MED13: variants seen among roughly 807,000 people sequenced by gnomAD.
MED13 encodes mediator complex subunit 13.
A neutral mutation model predicts 225.2 loss-of-function variants in MED13; 23 were observed. The ratio of observed to expected loss-of-function variants is 0.10; its 90% CI spans 0.07 to 0.14. The LOEUF (loss-of-function observed/expected upper bound fraction) is 0.14. Ranked by LOEUF, MED13 falls within the 10% of genes least tolerant of loss-of-function variation. MED13 has a pLI of 1.00. For missense variants in MED13, 2,197 were observed against 2,594.5 expected (o/e 0.85, Z 3.33); for synonymous variants, 942 against 889.2 (o/e 1.06, Z -1.06).
chr17:62,016,273 C>T (rs796520410), intron 8 of MED13, among the ~76,000 whole-genome samples: 21 of 151,108 alleles, frequency 1.4e-4, no homozygotes, highest in African/African-American at 4.6e-4. Context: ...CACAGTGCCG[C>T]GATTAGCGCT....
rs2079848810 is a variant in MED13, at chr17:61,945,966, T to C, written c.*502A>G. ...AGGCAGTATAAACCTTCTAGGAAAATTTTTATAAAAGAGGTTAAGAAATAT... is the reference window on the plus strand; with the variant it reads ...AGGCAGTATAAACCTTCTAGGAAAACTTTTATAAAAGAGGTTAAGAAATAT... On this transcript the variant is annotated 3_prime_UTR_variant, in exon 30 of 30. Coordinates refer to ENST00000397786, the MANE Select transcript of MED13 (RefSeq NM_005121.3). The C allele has an allele frequency of 6.6e-6, 1 of 152,584 alleles. No homozygotes were observed. Among genetic ancestry groups the C allele is most frequent in the Non-Finnish European group, 1.5e-5 (1 of 68,066 alleles). 9.5% of individuals were successfully genotyped at this position (152,584 alleles called of 1,614,324 possible). A position where few individuals can be genotyped will look rare whatever the true frequency, so the allele number is the denominator to read the frequency against.
At chr17:61,956,272 G>T in intron 24 of MED13, 67 bp downstream of exon 24, 1 of 1,450,074 alleles carries the variant, frequency 6.9e-7, no homozygotes, top group South Asian at 1.3e-5. Context: ...ATACCTAGAC[G>T]TGGTCAGAAC....
chr17:61,963,018 T>G, intron 20 of MED13, 47 bp from the exon 21 acceptor site: 1 of 1,549,696 alleles, frequency 6.5e-7, no homozygotes, highest in Non-Finnish European at 8.9e-7. Context: ...CTGTATATGC[T>G]TGGGGTAGCA....
At chr17:61,963,551 C>T (rs576376171) in intron 20 of MED13, among the ~76,000 whole-genome samples, 185 of 152,268 alleles carry the variant, frequency 1.2e-3, no homozygotes, top group Middle Eastern at 3.4e-3. Flanking sequence ...AGCAACCCTC[C>T]TGCCTTAGCC....
rs1447489489 is a variant in MED13 at position 61,946,174 on chromosome 17, T to C, written c.*294A>G. On this transcript the variant is annotated 3_prime_UTR_variant, in exon 30 of 30. Transcript: ENST00000397786. ...ATTCATTTAACATGACTGGGTACTA[T>C]GGCTCATTACTTTTCACAAATACTG... 7.5e-6 allele frequency: 2 copies of C among 265,042 alleles called. No individual in the cohort carries two copies. Among genetic ancestry groups the C allele is most frequent in the East Asian group, 8.3e-5 (1 of 12,030 alleles). The allele number at this position is 265,042 out of a possible 1,614,324, so 16.4% of individuals were successfully genotyped here.
At chr17:62,015,174 C>T (rs1182522794) in intron 8 of MED13, among the ~76,000 whole-genome samples, 2 of 152,148 alleles carry the variant, frequency 1.3e-5, no homozygotes, top group Non-Finnish European at 2.9e-5. Flanking sequence ...AAAGACATTT[C>T]TGAGAAAATC....
chr17:61,968,317 ATTT>A (rs1450165289), intron 17 of MED13, 59 bp from the exon 18 acceptor site: 1 of 1,016,304 alleles, frequency 9.8e-7, no homozygotes, highest in Non-Finnish European at 1.4e-6. Context: ...TCTCCTTTTT[ATTT>A]ATTTATTTAT....
chr17:62,041,680 G>A (rs887987586), intron 3 of MED13, among the ~76,000 whole-genome samples: 2 of 152,002 alleles, frequency 1.3e-5, no homozygotes, highest in African/African-American at 2.4e-5. Context: ...GAGCTCAAGC[G>A]ATTTTCCTGC....
At chr17:62,010,117 G>A (rs1257471390) in intron 9 of MED13, among the ~76,000 whole-genome samples, 1 of 151,976 alleles carries the variant, frequency 6.6e-6, no homozygotes, top group Non-Finnish European at 1.5e-5. Flanking sequence ...AGCTACTCGG[G>A]AGGCTGAGGC....
In MED13 at chr17:62,031,535, C is replaced by A. The variant is rs201569577; in HGVS notation, c.918G>T (p.Leu306Phe). The part of the protein sequence containing the change: ...VGSTHCSSSC[L>F]GVHQVPASTR... ...TGGAAGCAGGCACTTGGTGGACACC[C>A]AAGCAAGAAGATGAACAGTGAGTGG... The change falls in exon 6 of 30, where the codon TTG becomes TTT. Residue 306 changes from leucine to phenylalanine, a missense_variant. Physicochemically the swap from Leu to Phe is conservative, Grantham distance 22. Around this residue, in one of 12 missense-constraint regions of MED13, gnomAD observed 884 missense variants for 918.5 expected, o/e 0.96. Coordinates refer to ENST00000397786, the MANE Select transcript of MED13 (RefSeq NM_005121.3). 150 of 1,613,902 alleles carry A rather than the reference C, an allele frequency of 9.3e-5. No individual in the cohort carries two copies. The African/African-American group carries it at 1.9e-3, about 20-fold the overall frequency.
intron 2 of MED13, among the ~76,000 whole-genome samples, chr17:62,056,443 A>G (rs2080997014): frequency 6.6e-6 from 1 of 152,302 alleles, no homozygotes; most frequent in African/African-American, 2.4e-5. Flanking sequence ...GCCTAATAGA[A>G]AAAGTCTGCT....
intron 9 of MED13, 65 bp downstream of exon 9, chr17:62,010,485 G>C: frequency 9.8e-7 from 1 of 1,023,440 alleles, no homozygotes; most frequent in Non-Finnish European, 1.3e-6. Flanking sequence ...CTGAGTCCTA[G>C]TATTAAGAAC....
chr17:61,972,578 T>TG (rs1360245050), intron 17 of MED13, 149 bp downstream of exon 17: 6 of 694,076 alleles, frequency 8.6e-6, no homozygotes, highest in African/African-American at 1.8e-5. Flanking sequence ...TTGGAAATGG[T>TG]GGGAAAAAAA....
chr17:61,963,054 T>TC (rs2080017467), intron 20 of MED13, 83 bp from the exon 21 acceptor site: 1 of 1,096,012 alleles, frequency 9.1e-7, no homozygotes, highest in Non-Finnish European at 1.3e-6. Context: ...AATATCCCCC[T>TC]CCTCCCTCTT....
intron 2 of MED13, among the ~76,000 whole-genome samples, chr17:62,053,828 C>T (rs1043050515): frequency 1.3e-5 from 2 of 152,142 alleles, no homozygotes; most frequent in Non-Finnish European, 2.9e-5. Flanking sequence ...AAGAGTTACA[C>T]ATGGTTTATA....
intron 11 of MED13, among the ~76,000 whole-genome samples, chr17:61,990,627 G>GTATATATATATATATATA (rs5821345): frequency 9.4e-5 from 13 of 139,010 alleles, no homozygotes; most frequent in African/African-American, 2.7e-4. Flanking sequence ...GGCGCACTGT[G>GTATATATATATATATATA]TATATATATA....
At position 61,954,792 on chromosome 17, in the gene MED13, A is replaced by T. The variant is rs144327445; in HGVS notation, c.5968+590T>A. 2.1e-3 allele frequency among the ~76,000 whole-genome samples: 318 copies of T among 152,294 alleles called. 1 individual carries two copies. Among genetic ancestry groups the T allele is most frequent in the Middle Eastern group, 6.8e-3 (2 of 294 alleles). On this transcript the variant is annotated intron_variant, in intron 26 of 29. Coordinates refer to ENST00000397786, the MANE Select transcript of MED13 (RefSeq NM_005121.3). ...TGAGACTCTGTCTCAAAAAATTTTT[A>T]AAAAGTAAAGATTTATGGGATAATT...
In MED13 at chr17:61,992,604, A is replaced by C. The variant is rs2080308963; in HGVS notation, c.2199T>G (p.Ser733=). The change falls in exon 11 of 30, where the codon TCT becomes TCG. Residue 733 remains serine (S), a synonymous_variant. Transcript: ENST00000397786. Reference sequence around the variant, plus strand: ...CTTCATGTGATAACACTGTTACACTAGATGTCCCATCTTCTACCTGCAAAC... The same window carrying C: ...CTTCATGTGATAACACTGTTACACTCGATGTCCCATCTTCTACCTGCAAAC... ...GKKHKVEDGT[S]SVTVLSHEED... 3.7e-6 allele frequency: 6 copies of C among 1,609,376 alleles called. No homozygotes were observed. The highest frequency in any genetic ancestry group is 3.3e-5 in the Admixed American group (2 of 59,940).
intron 9 of MED13, among the ~76,000 whole-genome samples, chr17:62,007,688 A>G (rs1263017994): frequency 2.0e-5 from 3 of 151,560 alleles, no homozygotes; most frequent in African/African-American, 7.3e-5. Context: ...CTCTACTAAA[A>G]ATACAAAAAA....
Sources: gnomAD v4.1 joint callset for allele counts (sites outside exome capture counted in the v4.1 genomes callset) on GRCh38, gnomAD v4.1.1 for gene constraint, gnomAD v4.1.1 regional missense constraint, MANE v1.5 for transcripts, NCBI Gene and HGNC (gene_info 2026-07-23, HGNC 2026-07-21) for gene names.